URAD: variants seen among roughly 807,000 people sequenced by gnomAD.
The protein encoded by URAD is ureidoimidazoline (2-oxo-4-hydroxy-4-carboxy-5-) decarboxylase.
A neutral mutation model predicts 4.6 loss-of-function variants in URAD; 4 were observed. That is an observed-to-expected ratio of 0.87 (90% CI 0.43 to 1.98). The LOEUF is 1.98. Among genes scored for constraint, URAD ranks in the 30% most tolerant of loss-of-function variants. URAD has a pLI of 0.03. For synonymous variants in URAD, 144 were observed against 118.2 expected, an observed-to-expected ratio of 1.22 and a Z score of -1.41; for missense variants, 300 against 255.3, an observed-to-expected ratio of 1.18 and a Z score of -1.19.
At position 27,978,232 on chromosome 13, in the gene URAD, C is replaced by G. The variant is rs754582441; in HGVS notation, c.396G>C (p.Pro132=). ...AARFSDRTAV[P]RELARRLLCP... Reference sequence around the variant, plus strand: ...AGAGCAGCCGGCGCGCCAGCTCGCGCGGCACCGCCGTCCGGTCGCTGAAGC... The same window carrying G: ...AGAGCAGCCGGCGCGCCAGCTCGCGGGGCACCGCCGTCCGGTCGCTGAAGC... Residue 132 remains proline (P), a synonymous_variant, in exon 2 of 2, where the codon CCG becomes CCC. Coordinates refer to ENST00000332715, the MANE Select transcript of URAD (RefSeq NM_001105577.2). The G allele has an allele frequency of 3.4e-6, 5 of 1,464,352 alleles. No homozygotes were observed. The African/African-American group carries it at 7.4e-5, about 22-fold the overall frequency. 90.7% of individuals were successfully genotyped at this position (1,464,352 alleles called of 1,614,324 possible). A position where few individuals can be genotyped will look rare whatever the true frequency, so the allele number is the denominator to read the frequency against.
chr13:27,985,509 C>T (rs77970158), intron 1 of URAD, among the ~76,000 whole-genome samples: 463 of 152,216 alleles, frequency 3.0e-3, no homozygotes, highest in Middle Eastern at 0.01. Flanking sequence ...TCCAAATATA[C>T]AATAGATTAT....
chr13:27,988,375 A>G, intron 1 of URAD, 88 bp downstream of exon 1: 1 of 1,345,318 alleles, frequency 7.4e-7, no homozygotes, highest in Non-Finnish European at 1.0e-6. Flanking sequence ...TACAGGTGTG[A>G]GCCACCATTC....
At chr13:27,987,892 T>TGATA (rs6144971) in intron 1 of URAD, among the ~76,000 whole-genome samples, 28,330 of 149,976 alleles carry the variant, frequency 0.19, 2,780 homozygotes, top group East Asian at 0.28. Flanking sequence ...AATAGATAGA[T>TGATA]GATAGATAGA....
chr13:27,985,092 G>T (rs1869988375), intron 1 of URAD, among the ~76,000 whole-genome samples: 1 of 152,212 alleles, frequency 6.6e-6, no homozygotes, highest in African/African-American at 2.4e-5. Context: ...GTGAAATGAT[G>T]AAGTCAAGCT....
intron 1 of URAD, among the ~76,000 whole-genome samples, chr13:27,983,136 C>T (rs141613566): frequency 6.6e-4 from 100 of 152,318 alleles, no homozygotes; most frequent in African/African-American, 2.3e-3. Context: ...GCCTCTTCCT[C>T]ACATCCCTCT....
rs1832844904 is a variant in URAD, at chr13:27,978,055, T to C, written c.*51A>G. On this transcript the variant is annotated 3_prime_UTR_variant, in exon 2 of 2. Transcript: ENST00000332715. The stretch of plus-strand genomic sequence containing the variant: ...GCCCAGGACGCACAGCTCCGGGCCG[T>C]GGCCCCCGCGCGTCCGGTTGTGCGT... 7.2e-7 allele frequency: 1 copy of C among 1,383,234 alleles called. No homozygotes were observed. 85.7% of individuals were successfully genotyped at this position (1,383,234 alleles called of 1,614,324 possible). A position where few individuals can be genotyped will look rare whatever the true frequency, so the allele number is the denominator to read the frequency against.
chr13:27,987,264 C>T (rs913159041), intron 1 of URAD, among the ~76,000 whole-genome samples: 1 of 152,172 alleles, frequency 6.6e-6, no homozygotes, highest in Non-Finnish European at 1.5e-5. Flanking sequence ...GGTTTCTCCA[C>T]AGAGCATCCA....
intron 1 of URAD, among the ~76,000 whole-genome samples, chr13:27,986,139 G>T (rs540310489): frequency 6.6e-6 from 1 of 152,132 alleles, no homozygotes; most frequent in South Asian, 2.1e-4. Context: ...CGTCCAGGGG[G>T]CCCAAACTCC....
At chr13:27,980,785 C>G (rs534885215) in intron 1 of URAD, among the ~76,000 whole-genome samples, 1 of 152,218 alleles carries the variant, frequency 6.6e-6, no homozygotes, top group African/African-American at 2.4e-5. Context: ...GTACCCCGAG[C>G]CCCCTTCTTG....
At chr13:27,985,913 C>T (rs376515589) in intron 1 of URAD, among the ~76,000 whole-genome samples, 92 of 152,264 alleles carry the variant, frequency 6.0e-4, no homozygotes, top group African/African-American at 2.1e-3. Context: ...TGAAACACAC[C>T]AGTAGTAAAA....
intron 1 of URAD, among the ~76,000 whole-genome samples, chr13:27,986,709 CT>C (rs67452556): frequency 4.0e-5 from 6 of 151,840 alleles, no homozygotes; most frequent in African/African-American, 7.2e-5. Context: ...ATATGCCTCT[CT>C]TTTTTTTTCC....
At chr13:27,986,747 C>T (rs1295916670) in intron 1 of URAD, among the ~76,000 whole-genome samples, 2 of 152,118 alleles carry the variant, frequency 1.3e-5, no homozygotes, top group Non-Finnish European at 2.9e-5. Flanking sequence ...TCCAGTGAGG[C>T]TGTCATTTTG....
chr13:27,980,314 C>G (rs1461506498), intron 1 of URAD, among the ~76,000 whole-genome samples: 1 of 151,970 alleles, frequency 6.6e-6, no homozygotes, highest in African/African-American at 2.4e-5. Flanking sequence ...CTTCCCGCGT[C>G]CAGCTCCGTC....
chr13:27,980,273 G>C (rs540271749), intron 1 of URAD, among the ~76,000 whole-genome samples: 5 of 152,244 alleles, frequency 3.3e-5, no homozygotes, highest in South Asian at 2.1e-4. Context: ...CCTGCCCCTC[G>C]GGCACTGCAA....
In URAD at chr13:27,978,152, C is replaced by A; in HGVS notation, c.476G>T (p.Ser159Ile). 1 of 1,532,838 alleles carries A rather than the reference C, an allele frequency of 6.5e-7. No homozygotes were observed. Among genetic ancestry groups the A allele is most frequent in the Non-Finnish European group, 8.7e-7 (1 of 1,152,640 alleles). 95.0% of individuals were successfully genotyped at this position (1,532,838 alleles called of 1,614,324 possible). A position where few individuals can be genotyped will look rare whatever the true frequency, so the allele number is the denominator to read the frequency against. The change falls in exon 2 of 2, where the codon AGC becomes ATC. Residue 159 changes from serine (S) to isoleucine (I), a missense_variant. Physicochemically the swap from Ser to Ile is moderately radical, Grantham distance 142. Transcript: ENST00000332715. ...GCGGAGGAGGTCGGCCAGGCGCAGG[C>A]TGCCGATCTTCTTCACCTCGCCCAG... ...TALGEVKKIG[S>I]LRLADLLRAD...
In URAD at chr13:27,981,663, G is replaced by A. The variant is rs563210913; in HGVS notation, c.176-3211C>T. Among the ~76,000 whole-genome samples the A allele has an allele frequency of 7.6e-4, 116 of 152,280 alleles. 2 individuals carry two copies. Among genetic ancestry groups the A allele is most frequent in the African/African-American group, 2.4e-3 (100 of 41,546 alleles). On this transcript the variant is annotated intron_variant, in intron 1 of 1. Coordinates refer to ENST00000332715, the MANE Select transcript of URAD (RefSeq NM_001105577.2). ...CCAACTGCCTCCTGGTCCATACCCA[G>A]TGGTATCTGGGTATGTTCTTACCCC...
chr13:27,979,786 C>T (rs531622802), intron 1 of URAD, among the ~76,000 whole-genome samples: 1 of 152,306 alleles, frequency 6.6e-6, no homozygotes, highest in Middle Eastern at 3.4e-3. Flanking sequence ...CTTATTGTTT[C>T]TGTCTAATAA....
intron 1 of URAD, among the ~76,000 whole-genome samples, chr13:27,982,995 C>T (rs921135942): frequency 6.6e-6 from 1 of 152,168 alleles, no homozygotes; most frequent in African/African-American, 2.4e-5. Context: ...AGTGGCCCCT[C>T]GACCTGGCCC....
rs1007438576 is a variant in URAD, at chr13:27,978,082, C to G, written c.*24G>C. On this transcript the variant is annotated 3_prime_UTR_variant, in exon 2 of 2. Transcript: ENST00000332715. Reference sequence around the variant, plus strand: ...GCCCCCGCGCGTCCGGTTGTGCGTCCCGGGTCCCTGGCCCGCGCGGCAGCT... The same window carrying G: ...GCCCCCGCGCGTCCGGTTGTGCGTCGCGGGTCCCTGGCCCGCGCGGCAGCT... The G allele has an allele frequency of 9.7e-6, 14 of 1,445,018 alleles. No individual in the cohort carries two copies. In the African/African-American group the frequency reaches 1.2e-4, roughly 12 times the overall value. The allele number at this position is 1,445,018 out of a possible 1,614,324, so 89.5% of individuals were successfully genotyped here. A position where few individuals can be genotyped will look rare whatever the true frequency, so the allele number is the denominator to read the frequency against.
Sources: gnomAD v4.1 joint callset for allele counts (sites outside exome capture counted in the v4.1 genomes callset) on GRCh38, gnomAD v4.1.1 for gene constraint, MANE v1.5 for transcripts, NCBI Gene and HGNC (gene_info 2026-07-23, HGNC 2026-07-21) for gene names.